ASAP1: variants seen among roughly 807,000 people sequenced by gnomAD.
ASAP1 encodes arf-GAP with SH3 domain, ANK repeat and PH domain-containing protein 1.
A neutral mutation model predicts 145.2 loss-of-function variants in ASAP1; 43 were observed. The ratio of observed to expected loss-of-function variants is 0.30; its 90% confidence interval spans 0.23 to 0.38. ASAP1 has a LOEUF of 0.38. Ranked by LOEUF, ASAP1 falls within the 10% of genes least tolerant of loss-of-function variation. The probability of loss-of-function intolerance (pLI) is 1.00; values close to 1 mark genes in which losing one functional copy is unlikely to be tolerated. For missense variants in ASAP1, 1,018 were observed against 1,355.3 expected (o/e 0.75, Z 3.91); for synonymous variants, 546 against 515.5 (o/e 1.06, Z -0.80).
At chr8:130,415,912 AG>A (rs1164564844) in intron 1 of ASAP1, among the ~76,000 whole-genome samples, 33 of 152,322 alleles carry the variant, frequency 2.2e-4, no homozygotes, top group African/African-American at 7.2e-4. Context: ...CCACTGTTCC[AG>A]TCCTCAAACA....
At chr8:130,128,314 T>A (rs1422220267) in intron 15 of ASAP1, among the ~76,000 whole-genome samples, 1 of 149,494 alleles carries the variant, frequency 6.7e-6, no homozygotes, top group African/African-American at 2.5e-5. Context: ...TAGGGGAAAA[T>A]GAGAGAGAGG....
intron 1 of ASAP1, among the ~76,000 whole-genome samples, chr8:130,437,459 G>A (rs903762824): frequency 2.0e-5 from 3 of 152,232 alleles, no homozygotes; most frequent in Non-Finnish European, 4.4e-5. Context: ...AGGACAGGTG[G>A]TGACTACAGT....
chr8:130,334,005 T>C (rs1824873036), intron 3 of ASAP1, among the ~76,000 whole-genome samples: 1 of 151,996 alleles, frequency 6.6e-6, no homozygotes, highest in African/African-American at 2.4e-5. Context: ...GGAAAAGCAG[T>C]AGTTAGGAAG....
chr8:130,235,334 C>A (rs1818150742), intron 4 of ASAP1, among the ~76,000 whole-genome samples: 1 of 152,036 alleles, frequency 6.6e-6, no homozygotes, highest in South Asian at 2.1e-4. Flanking sequence ...TACATACCTA[C>A]AGAAAAGTAC....
At chr8:130,117,961 T>C (rs1475954784) in intron 20 of ASAP1, among the ~76,000 whole-genome samples, 200 bp downstream of exon 20, 1 of 152,218 alleles carries the variant, frequency 6.6e-6, no homozygotes, top group Non-Finnish European at 1.5e-5. Context: ...ACATTGTCAG[T>C]GGCTGCTTTC....
At chr8:130,125,465 A>G (rs1564988550) in intron 17 of ASAP1, among the ~76,000 whole-genome samples, 1 of 152,202 alleles carries the variant, frequency 6.6e-6, no homozygotes, top group Non-Finnish European at 1.5e-5. Context: ...TTCTTCCCTT[A>G]CTACCTAAAG....
intron 24 of ASAP1, among the ~76,000 whole-genome samples, chr8:130,110,507 G>C (rs2097544926): frequency 6.6e-6 from 1 of 152,218 alleles, no homozygotes; most frequent in Admixed American, 6.5e-5. Flanking sequence ...CAGGGAAGCA[G>C]CAACACAGCA....
At chr8:130,382,109 AC>A (rs1565267416) in intron 2 of ASAP1, among the ~76,000 whole-genome samples, 1 of 151,864 alleles carries the variant, frequency 6.6e-6, no homozygotes, top group African/African-American at 2.4e-5. Flanking sequence ...ACACGGTGAA[AC>A]CCCGTCTCTA....
chr8:130,251,953 C>A (rs1435468522), intron 3 of ASAP1, among the ~76,000 whole-genome samples: 1 of 152,136 alleles, frequency 6.6e-6, no homozygotes, highest in African/African-American at 2.4e-5. Flanking sequence ...CACAAAACCA[C>A]CCTTACATTT....
At chr8:130,400,012 G>C (rs1462576232) in intron 2 of ASAP1, among the ~76,000 whole-genome samples, 1 of 152,056 alleles carries the variant, frequency 6.6e-6, no homozygotes, top group Non-Finnish European at 1.5e-5. Flanking sequence ...TACAGACAGA[G>C]TTTCTCCATG....
At chr8:130,063,967 G>C (rs2097424770) in intron 27 of ASAP1, among the ~76,000 whole-genome samples, 1 of 152,158 alleles carries the variant, frequency 6.6e-6, no homozygotes, top group African/African-American at 2.4e-5. Flanking sequence ...GTGCTGGCTG[G>C]GTGGGGAGGA....
chr8:130,115,439 T>C, intron 23 of ASAP1, 189 bp downstream of exon 23: 1 of 560,108 alleles, frequency 1.8e-6, no homozygotes. Flanking sequence ...TCCTGTTGGC[T>C]CTGTTTCTCT....
At chr8:130,130,613 G>A (rs1444051583) in intron 15 of ASAP1, among the ~76,000 whole-genome samples, 3 of 152,108 alleles carry the variant, frequency 2.0e-5, no homozygotes, top group African/African-American at 4.8e-5. Context: ...TTTAAACGTC[G>A]CTTTGAGTTT....
intron 4 of ASAP1, among the ~76,000 whole-genome samples, chr8:130,231,880 G>A (rs1817927198): frequency 6.6e-6 from 1 of 152,180 alleles, no homozygotes; most frequent in South Asian, 2.1e-4. Context: ...ACATGCCCAT[G>A]CTTCCAAGGG....
At chr8:130,143,414 T>TA (rs911089235) in intron 13 of ASAP1, among the ~76,000 whole-genome samples, 14 of 151,344 alleles carry the variant, frequency 9.3e-5, no homozygotes, top group African/African-American at 3.4e-4. Flanking sequence ...GATGTCTGTT[T>TA]TTTTTTTTTT....
chr8:130,105,491 A>C lies in ASAP1; in HGVS notation c.2401+6603T>G, dbSNP rs114006441. Among the ~76,000 whole-genome samples, 215 of 152,340 alleles carry C rather than the reference A, an allele frequency of 1.4e-3. 1 individual carries two copies. Among genetic ancestry groups the C allele is most frequent in the African/African-American group, 4.6e-3 (193 of 41,584 alleles). On this transcript the variant is annotated intron_variant, in intron 24 of 29. Transcript: ENST00000518721. ...TTTTCTTTGTAGCGAGAACATTTAA[A>C]ATCTATTCTCTTAGCAATTTTCAAG... is the stretch of plus-strand genomic sequence containing the variant.
At chr8:130,076,531 T>A (rs2097462742) in intron 26 of ASAP1, 125 bp from the exon 27 acceptor site, 2 of 659,652 alleles carry the variant, frequency 3.0e-6, no homozygotes, top group Non-Finnish European at 4.9e-6. Context: ...CAAAATTTCC[T>A]TTTTTTTTGA....
At chr8:130,242,281 A>AAC (rs1342031266) in intron 3 of ASAP1, among the ~76,000 whole-genome samples, 1 of 150,388 alleles carries the variant, frequency 6.6e-6, no homozygotes, top group African/African-American at 2.4e-5. Flanking sequence ...AAAAAAAAAA[A>AAC]AACAACTTTT....
chr8:130,397,892 C>T (rs1472265288), intron 2 of ASAP1, among the ~76,000 whole-genome samples: 1 of 152,218 alleles, frequency 6.6e-6, no homozygotes, highest in Non-Finnish European at 1.5e-5. Flanking sequence ...AGATAAGAAG[C>T]CCCATGAGGG....
Sources: gnomAD v4.1 joint callset for allele counts (sites outside exome capture counted in the v4.1 genomes callset) on GRCh38, gnomAD v4.1.1 for gene constraint, MANE v1.5 for transcripts, NCBI Gene and HGNC (gene_info 2026-07-23, HGNC 2026-07-21) for gene names.